The following ANKRD17 variants were observed in gnomAD, a reference collection of about 807,000 sequenced individuals.
ANKRD17 encodes the protein ankyrin repeat domain-containing protein 17.
In ANKRD17, 19 loss-of-function variants were observed where a neutral mutation model predicts 229.7. That is an observed-to-expected ratio of 0.08 (90% CI 0.06 to 0.12). ANKRD17 has a LOEUF of 0.12. Among genes scored for constraint, ANKRD17 ranks in the 10% least tolerant of loss-of-function variants. ANKRD17 has a pLI of 1.00. For missense variants in ANKRD17, 2,176 were observed against 3,176.8 expected (o/e 0.68, Z 7.57); for synonymous variants, 1,112 against 1,146.1 (o/e 0.97, Z 0.60).
intron 16 of ANKRD17, among the ~76,000 whole-genome samples, chr4:73,126,531 A>G (rs1182300991): frequency 6.6e-6 from 1 of 152,176 alleles, no homozygotes; most frequent in Non-Finnish European, 1.5e-5. Flanking sequence ...CAAAATACTT[A>G]AAGGAACCAA....
intron 10 of ANKRD17, among the ~76,000 whole-genome samples, 185 bp downstream of exon 10, chr4:73,146,579 T>C (rs1730306100): frequency 6.6e-6 from 1 of 151,746 alleles, no homozygotes; most frequent in Admixed American, 6.6e-5. Context: ...AATAACCCTA[T>C]TAAGGATGGA....
intron 7 of ANKRD17, 63 bp from the exon 8 acceptor site, chr4:73,149,113 A>C (rs529447120): frequency 1.5e-6 from 2 of 1,357,248 alleles, no homozygotes; most frequent in South Asian, 2.6e-5. Context: ...AAAAATTTGA[A>C]GACTTCTCAA....
intron 13 of ANKRD17, 82 bp downstream of exon 13, chr4:73,142,160 C>T: frequency 2.9e-6 from 4 of 1,385,494 alleles, no homozygotes; most frequent in Middle Eastern, 2.0e-4. Flanking sequence ...AAAAAAAAAC[C>T]CTAATTTAAA....
intron 28 of ANKRD17, among the ~76,000 whole-genome samples, chr4:73,093,306 A>C (rs957188471): frequency 6.6e-6 from 1 of 151,960 alleles, no homozygotes; most frequent in Non-Finnish European, 1.5e-5. Context: ...ATATTCAGGC[A>C]TAGACATATT....
intron 28 of ANKRD17, among the ~76,000 whole-genome samples, 164 bp downstream of exon 28, chr4:73,093,915 A>C (rs1257220888): frequency 6.6e-6 from 1 of 152,260 alleles, no homozygotes; most frequent in African/African-American, 2.4e-5. Flanking sequence ...ATTACCTAGG[A>C]AAAAAGAAAA....
chr4:73,111,608 T>TA (rs1218725956), intron 24 of ANKRD17, among the ~76,000 whole-genome samples: 1 of 152,162 alleles, frequency 6.6e-6, no homozygotes, highest in East Asian at 1.9e-4. Context: ...GCAAAATATT[T>TA]AAAAAATATG....
chr4:73,245,452 G>A (rs1744410120), intron 1 of ANKRD17, among the ~76,000 whole-genome samples: 1 of 152,288 alleles, frequency 6.6e-6, no homozygotes, highest in South Asian at 2.1e-4. Context: ...CCAAACAGCA[G>A]CTGAGTCTAC....
chr4:73,220,330 T>C (rs536798238), intron 1 of ANKRD17, among the ~76,000 whole-genome samples: 12 of 152,280 alleles, frequency 7.9e-5, no homozygotes, highest in African/African-American at 2.9e-4. Context: ...ACGGAAATAC[T>C]TTGATGCCTT....
intron 1 of ANKRD17, among the ~76,000 whole-genome samples, chr4:73,235,327 C>G (rs1225127494): frequency 6.6e-6 from 1 of 152,028 alleles, no homozygotes. Context: ...AAACGCAGAC[C>G]AAAAATGTTG....
chr4:73,219,750 T>C (rs748234705), intron 1 of ANKRD17, among the ~76,000 whole-genome samples: 12 of 152,136 alleles, frequency 7.9e-5, no homozygotes, highest in Non-Finnish European at 1.3e-4. Context: ...TGGCTTTAGA[T>C]GACAAAAGAA....
Position 73,153,944 on chromosome 4 carries a change from C to T in ANKRD17, c.1170G>A (p.Gly390=), listed in dbSNP as rs1471428571. The T allele has an allele frequency of 1.2e-6, 2 of 1,612,354 alleles. No individual in the cohort carries two copies. Among genetic ancestry groups the T allele is most frequent in the African/African-American group, 2.7e-5 (2 of 74,834 alleles). ...VEVARLLLEN[G]AGINTHSNEF... The stretch of plus-strand genomic sequence containing the variant: ...CATTAGAATGCGTATTAATGCCAGC[C>T]CCATTTTCTAGCAGCAATCTGGCTA... The change falls in exon 6 of 34, where the codon GGG becomes GGA. Residue 390 remains glycine, a synonymous_variant. Coordinates refer to ENST00000358602, the MANE Select transcript of ANKRD17 (RefSeq NM_032217.5).
chr4:73,206,793 G>C (rs1321167353), intron 1 of ANKRD17, among the ~76,000 whole-genome samples: 1 of 152,110 alleles, frequency 6.6e-6, no homozygotes, highest in East Asian at 1.9e-4. Context: ...TAATAACAAT[G>C]TACTGTACAC....
Position 73,086,057 on chromosome 4 carries a change from A to G in ANKRD17, c.6962-611T>C, listed in dbSNP as rs193132150. ...AACAATTATCACATTATACTCTTAA[A>G]TTCAAATTATAATTTACTGGGAACA... On this transcript the variant is annotated intron_variant, in intron 29 of 33. Coordinates refer to ENST00000358602, the MANE Select transcript of ANKRD17 (RefSeq NM_032217.5). Among the ~76,000 whole-genome samples, 8 of 152,260 alleles carry G rather than the reference A, an allele frequency of 5.3e-5. No homozygotes were observed. The East Asian group carries it at 1.3e-3, about 26-fold the overall frequency.
intron 22 of ANKRD17, 139 bp downstream of exon 22, chr4:73,118,549 C>T (rs949967461): frequency 2.2e-6 from 2 of 929,918 alleles, no homozygotes; most frequent in Non-Finnish European, 3.2e-6. Flanking sequence ...TTAATGTTGC[C>T]ATAAGAGTAA....
intron 1 of ANKRD17, among the ~76,000 whole-genome samples, chr4:73,243,051 A>C (rs1292312104): frequency 6.6e-6 from 1 of 152,150 alleles, no homozygotes; most frequent in African/African-American, 2.4e-5. Flanking sequence ...GGATGAGAAA[A>C]AACAAAGAAC....
Position 73,091,853 on chromosome 4 carries a change from A to C in ANKRD17, c.5775T>G (p.Gly1925=). 1 of 1,614,076 alleles carries C rather than the reference A, an allele frequency of 6.2e-7. No homozygotes were observed. Among genetic ancestry groups the C allele is most frequent in the Non-Finnish European group, 8.5e-7 (1 of 1,180,018 alleles). The stretch of plus-strand genomic sequence containing the variant: ...GGCTCAAAGGCCTGACAGGAAACGG[A>C]CCCCAAGTGGATTGAGCTGGTGGAA... ...GTFPPAQSTW[G]PFPVRPLSPA... Residue 1925 remains glycine (G), a synonymous_variant, in exon 29 of 34, where the codon GGT becomes GGG. Transcript: ENST00000358602.
intron 1 of ANKRD17, chr4:73,223,066 T>G (rs1742072913): frequency 6.5e-7 from 1 of 1,534,952 alleles, no homozygotes; most frequent in Admixed American, 2.0e-5. Flanking sequence ...GCACTATGAT[T>G]AGATCATTGC....
At chr4:73,179,797 A>T (rs1393734456) in intron 1 of ANKRD17, among the ~76,000 whole-genome samples, 8 of 151,848 alleles carry the variant, frequency 5.3e-5, no homozygotes, top group Non-Finnish European at 1.0e-4. Context: ...TAGTAGTAAA[A>T]GTATGAGAAA....
At chr4:73,182,456 C>T (rs1735709470) in intron 1 of ANKRD17, among the ~76,000 whole-genome samples, 1 of 152,134 alleles carries the variant, frequency 6.6e-6, no homozygotes, top group Non-Finnish European at 1.5e-5. Context: ...ATCCAATTAA[C>T]TAGCTCAATA....
Sources: gnomAD v4.1 joint callset for allele counts (sites outside exome capture counted in the v4.1 genomes callset) on GRCh38, gnomAD v4.1.1 for gene constraint, MANE v1.5 for transcripts, NCBI Gene and HGNC (gene_info 2026-07-23, HGNC 2026-07-21) for gene names.